Variants in PRKD2 observed in about 807,000 individuals in gnomAD.
PRKD2 encodes the protein serine/threonine-protein kinase D2.
Under a neutral mutation model 86.0 loss-of-function variants are expected in PRKD2, and 22 were observed. That is an observed-to-expected ratio of 0.26 (90% CI 0.18 to 0.37). PRKD2 has a LOEUF of 0.37. Ranked by LOEUF, PRKD2 falls within the 10% of genes least tolerant of loss-of-function variation. PRKD2 has a pLI of 1.00. For synonymous variants in PRKD2, 509 were observed against 510.9 expected, an observed-to-expected ratio of 1.00 and a Z score of 0.05; for missense variants, 818 against 1,199.2, an observed-to-expected ratio of 0.68 and a Z score of 4.70.
Position 46,704,538 on chromosome 19 carries a change from C to G in PRKD2, c.623G>C (p.Arg208Pro). ...GGGCAGGGACTCGGAGGTGCCGAGG[C>G]GCACCGAGTGGCCACTGGCCAGAGA... ...STSLASGHSV[R>P]LGTSESLPCT... Residue 208 changes from arginine (R) to proline (P), a missense_variant, in exon 4 of 18, where the codon CGC becomes CCC. Transcript: ENST00000291281. The G allele has an allele frequency of 1.3e-5, 21 of 1,614,140 alleles. No homozygotes were observed. The highest frequency in any genetic ancestry group is 1.8e-5 in the Non-Finnish European group (21 of 1,180,020).
At chr19:46,680,946 A>ATATATATATATATATATATATATATTTT in intron 15 of PRKD2, among the ~76,000 whole-genome samples, 24 of 48,222 alleles carry the variant, frequency 5.0e-4, no homozygotes, top group Non-Finnish European at 7.3e-4. Context: ...ATATATATAT[A>ATATATATATATATATATATATATATTTT]TTTTTTTTTT....
intron 14 of PRKD2, among the ~76,000 whole-genome samples, chr19:46,688,310 T>A (rs1361770350): frequency 6.6e-6 from 1 of 152,032 alleles, no homozygotes; most frequent in African/African-American, 2.4e-5. Context: ...ACTCCCCTTT[T>A]TTCTAGATGA....
In PRKD2 at chr19:46,694,142, C is replaced by T. The variant is rs114751214; in HGVS notation, c.1318-9G>A. ...TCTGACAGCGGAATTTCCTGCAGGA[C>T]GTGGAACCAGCACAGGTGAGGATGC... is the stretch of plus-strand genomic sequence containing the variant. On this transcript the variant is annotated splice_polypyrimidine_tract_variant and intron_variant, in intron 9 of 17. Transcript: ENST00000291281. 2,677 of 1,612,692 alleles carry T rather than the reference C, an allele frequency of 1.7e-3. 37 individuals are homozygous for T. In the African/African-American group the frequency reaches 0.029, roughly 18 times the overall value.
Position 46,710,969 on chromosome 19 carries a change from G to T in PRKD2, c.449C>A (p.Ala150Asp). 6.3e-7 allele frequency: 1 copy of T among 1,576,816 alleles called. No homozygotes were observed. The highest frequency in any genetic ancestry group is 8.6e-7 in the Non-Finnish European group (1 of 1,161,180). Residue 150 changes from alanine to aspartate, a missense_variant, in exon 3 of 18, where the codon GCC becomes GAC. This residue lies in a region of PRKD2 where 403 missense variants were observed against 518.6 expected (regional missense o/e 0.78). Transcript: ENST00000291281. ...CATCTCCCCGCAGTGATCACAGAAG[G>T]CAGGCGCCCGATAGGAGTGCACCGT... Reference protein sequence around the residue: ...ALTVHSYRAPAFCDHCGEMLF... With the variant: ...ALTVHSYRAPDFCDHCGEMLF...
At chr19:46,681,328 C>T (rs1224283857) in intron 15 of PRKD2, among the ~76,000 whole-genome samples, 6 of 151,200 alleles carry the variant, frequency 4.0e-5, no homozygotes, top group Non-Finnish European at 7.4e-5. Context: ...AATCATAGCT[C>T]ACTGCAGCCA....
rs1322375437 is a variant in PRKD2 at position 46,674,672 on chromosome 19, G to A, written c.2488C>T (p.His830Tyr). The A allele has an allele frequency of 6.2e-7, 1 of 1,606,300 alleles. No homozygotes were observed. Among genetic ancestry groups the A allele is most frequent in the African/African-American group, 1.3e-5 (1 of 74,862 alleles). The change falls in exon 18 of 18, where the codon CAT (histidine) becomes TAT (tyrosine). Residue 830 changes from histidine (H) to tyrosine (Y), a missense_variant. By Grantham distance (83) the His-to-Tyr change is moderately conservative (BLOSUM62 2). Around this residue, in one of 5 missense-constraint regions of PRKD2, gnomAD observed 132 missense variants for 146.2 expected, o/e 0.90. Transcript: ENST00000291281. ...EGKMGERYIT[H>Y]ESDDARWEQF... ...TCCCAGCGCGCGTCGTCACTCTCATGCGTGATGTATCGCTCTCCCATCTTC... is the reference window on the plus strand; with the variant it reads ...TCCCAGCGCGCGTCGTCACTCTCATACGTGATGTATCGCTCTCCCATCTTC...
At chr19:46,714,765 A>G (rs1292271004) in intron 1 of PRKD2, among the ~76,000 whole-genome samples, 3 of 152,164 alleles carry the variant, frequency 2.0e-5, no homozygotes, top group East Asian at 1.9e-4. Flanking sequence ...CCAAGGGACA[A>G]TCTGCCCCCG....
intron 16 of PRKD2, among the ~76,000 whole-genome samples, chr19:46,676,292 G>A (rs924565732): frequency 1.7e-4 from 26 of 152,090 alleles, no homozygotes; most frequent in Non-Finnish European, 2.1e-4. Context: ...GCTGGGCATG[G>A]TAGCGCATGC....
Position 46,704,338 on chromosome 19 carries a change from G to T in PRKD2, c.720C>A (p.Ser240=), listed in dbSNP as rs2053679577. 4.3e-6 allele frequency: 7 copies of T among 1,614,222 alleles called. No individual in the cohort carries two copies. Among genetic ancestry groups the T allele is most frequent in the African/African-American group, 1.3e-5 (1 of 75,056 alleles). Reference sequence around the variant, plus strand: ...GGCCCGTATACGATGAGGCAGAAGAGGAGGAAGAGGATGACGGGGGACGGC... The same window carrying T: ...GGCCCGTATACGATGAGGCAGAAGATGAGGAAGAGGATGACGGGGGACGGC... ...LPRRPPSSSS[S]SSASSYTGRP... The change falls in exon 5 of 18, where the codon TCC becomes TCA. Residue 240 remains serine (S), a synonymous_variant. Transcript: ENST00000291281.
Position 46,691,981 on chromosome 19 carries a change from T to C in PRKD2, c.1581A>G (p.Gln527=). Residue 527 remains glutamine (Q), a synonymous_variant, in exon 11 of 18, where the codon CAA becomes CAG. Coordinates refer to ENST00000291281, the MANE Select transcript of PRKD2 (RefSeq NM_016457.5). ...PSAPGHAPHR[Q]ASLSISVSNS... ...TGGACACAGAGATGCTCAGAGAAGC[T>C]TGTCCTAGGGAGAGGGGAGAGACAG... 1.9e-6 allele frequency: 3 copies of C among 1,613,868 alleles called. No individual in the cohort carries two copies. The highest frequency in any genetic ancestry group is 1.7e-5 in the Admixed American group (1 of 60,002).
intron 9 of PRKD2, among the ~76,000 whole-genome samples, chr19:46,696,429 G>A (rs1362915429): frequency 6.6e-6 from 1 of 152,120 alleles, no homozygotes; most frequent in Non-Finnish European, 1.5e-5. Flanking sequence ...ATGGGAGGTG[G>A]TGACGAATAC....
rs569408114 is a variant in PRKD2 at position 46,679,284 on chromosome 19, C to T, written c.2071-621G>A. ...GGCAGAGGTTGCAGTGAGCCGAGAT[C>T]GCACCACTGCATTCCAGCCTGGGTG... On this transcript the variant is annotated intron_variant, in intron 15 of 17. Coordinates refer to ENST00000291281, the MANE Select transcript of PRKD2 (RefSeq NM_016457.5). Among the ~76,000 whole-genome samples, 64 of 152,208 alleles carry T rather than the reference C, an allele frequency of 4.2e-4. No homozygotes were observed. The Middle Eastern group carries it at 0.031, about 73-fold the overall frequency.
chr19:46,703,582 T>G (rs1568732005), intron 5 of PRKD2, among the ~76,000 whole-genome samples: 1 of 151,936 alleles, frequency 6.6e-6, no homozygotes, highest in African/African-American at 2.4e-5. Flanking sequence ...CCATCCTAGC[T>G]AACATGGTGA....
At chr19:46,714,180 C>A in intron 1 of PRKD2, 179 bp from the exon 2 acceptor site, 1 of 1,330,190 alleles carries the variant, frequency 7.5e-7, no homozygotes, top group Non-Finnish European at 9.6e-7. Context: ...AGGATGCCAG[C>A]GCCCCAATTG....
intron 12 of PRKD2, 77 bp from the exon 13 acceptor site, chr19:46,690,783 C>T (rs1003643732): frequency 7.7e-7 from 1 of 1,299,666 alleles, no homozygotes; most frequent in Non-Finnish European, 1.1e-6. Flanking sequence ...CCACCTCTGC[C>T]AACCTCTGCC....
At chr19:46,707,040 C>T (rs1378402242) in intron 3 of PRKD2, among the ~76,000 whole-genome samples, 1 of 151,886 alleles carries the variant, frequency 6.6e-6, no homozygotes, top group East Asian at 1.9e-4. Flanking sequence ...ATTATAGGTA[C>T]CCGCCACCAC....
At chr19:46,695,031 C>T (rs1599826324) in intron 9 of PRKD2, among the ~76,000 whole-genome samples, 3 of 151,954 alleles carry the variant, frequency 2.0e-5, no homozygotes, top group Non-Finnish European at 4.4e-5. Context: ...ATGAGACCCC[C>T]ATCTCTACAA....
At chr19:46,685,628 G>A (rs1482857293) in intron 14 of PRKD2, 1 of 152,366 alleles carries the variant, frequency 6.6e-6, no homozygotes, top group Non-Finnish European at 1.5e-5. Flanking sequence ...AGCCACCTGT[G>A]AGAACCATGA....
rs866307765 is a variant in PRKD2 at position 46,678,477 on chromosome 19, C to T, written c.2257G>A (p.Glu753Lys). 6.2e-7 allele frequency: 1 copy of T among 1,614,196 alleles called. No individual in the cohort carries two copies. The highest frequency in any genetic ancestry group is 8.5e-7 in the Non-Finnish European group (1 of 1,180,042). ...ATCTGGTCATTGATGTCCTCATCCT[C>T]GTTGAAAGGGAAGGTGCCGCTGAGG... ...VSLSGTFPFN[E>K]DEDINDQIQN... Residue 753 changes from glutamate to lysine, a missense_variant, in exon 16 of 18, where the codon GAG becomes AAG. Glu to Lys is a moderately conservative substitution (Grantham distance 56). Coordinates refer to ENST00000291281, the MANE Select transcript of PRKD2 (RefSeq NM_016457.5). The surrounding 1 kb of genome is among the most constrained non-coding windows in gnomAD (Gnocchi z 5.7).
Sources: allele counts gnomAD v4.1 joint callset (sites outside exome capture counted in the v4.1 genomes callset), GRCh38; gene constraint gnomAD v4.1.1; regional missense constraint gnomAD v4.1.1; non-coding constraint Gnocchi (gnomAD v3.1); transcripts MANE v1.5; gene names NCBI Gene and HGNC (gene_info 2026-07-23, HGNC 2026-07-21).